The following GPRC6A variants were observed in gnomAD, a reference collection of about 807,000 sequenced individuals.
The protein encoded by GPRC6A is G protein-coupled receptor family C group 6 member A.
In GPRC6A, 54 loss-of-function variants were observed where a neutral mutation model predicts 47.0. That is an observed-to-expected ratio of 1.15 (90% CI 0.92 to 1.44). The LOEUF is 1.44. Among genes scored for constraint, GPRC6A ranks in the 40% most tolerant of loss-of-function variants. The pLI is 0.00. For synonymous variants in GPRC6A, 347 were observed against 377.1 expected, an observed-to-expected ratio of 0.92 and a Z score of 0.93; for missense variants, 1,112 against 1,105.5, an observed-to-expected ratio of 1.01 and a Z score of -0.08.
intron 1 of GPRC6A, among the ~76,000 whole-genome samples, chr6:116,817,155 G>C (rs1167424959): frequency 2.6e-5 from 4 of 151,882 alleles, no homozygotes; most frequent in East Asian, 1.9e-4. Flanking sequence ...GCTTTGAAGA[G>C]AGCAGTGGTT....
At chr6:116,803,683 A>G (rs1334454624) in intron 3 of GPRC6A, among the ~76,000 whole-genome samples, 1 of 152,120 alleles carries the variant, frequency 6.6e-6, no homozygotes, top group Non-Finnish European at 1.5e-5. Context: ...GTCATATGCC[A>G]TGATTTCCTG....
intron 3 of GPRC6A, among the ~76,000 whole-genome samples, chr6:116,803,928 G>C (rs960102303): frequency 1.3e-5 from 2 of 151,988 alleles, no homozygotes; most frequent in Non-Finnish European, 2.9e-5. Context: ...CCCCTTACTT[G>C]TTTGATTGTA....
chr6:116,798,714 C>T (rs1443173779), intron 4 of GPRC6A, among the ~76,000 whole-genome samples: 1 of 151,730 alleles, frequency 6.6e-6, no homozygotes, highest in African/African-American at 2.4e-5. Flanking sequence ...TAAACCTCGT[C>T]TCTACTAAAA....
chr6:116,808,831 AT>A (rs138037711), intron 2 of GPRC6A, among the ~76,000 whole-genome samples: 1,795 of 150,440 alleles, frequency 0.012, 27 homozygotes, highest in African/African-American at 0.033. Flanking sequence ...GTGATATCTG[AT>A]TTTTTTTTTC....
At chr6:116,825,657 G>A (rs2114627825) in intron 1 of GPRC6A, among the ~76,000 whole-genome samples, 1 of 151,766 alleles carries the variant, frequency 6.6e-6, no homozygotes, top group East Asian at 1.9e-4. Context: ...AACATATGGA[G>A]TCAATGCAAT....
At chr6:116,802,869 A>G (rs1412533100) in intron 3 of GPRC6A, among the ~76,000 whole-genome samples, 2 of 152,086 alleles carry the variant, frequency 1.3e-5, no homozygotes, top group East Asian at 3.9e-4. Context: ...ATATTTTATA[A>G]AGATTAGAGG....
chr6:116,810,115 A>G (rs1772977987), intron 1 of GPRC6A, among the ~76,000 whole-genome samples: 1 of 152,138 alleles, frequency 6.6e-6, no homozygotes, highest in Non-Finnish European at 1.5e-5. Flanking sequence ...AGACATAGCT[A>G]TTTCCACATT....
At position 116,792,385 on chromosome 6, in the gene GPRC6A, C is replaced by A; in HGVS notation, c.2538G>T (p.Lys846Asn). 1 of 1,613,992 alleles carries A rather than the reference C, an allele frequency of 6.2e-7. No homozygotes were observed. The highest frequency in any genetic ancestry group is 8.5e-7 in the Non-Finnish European group (1 of 1,179,940). The change falls in exon 6 of 6, where the codon AAG becomes AAT. Residue 846 changes from lysine (K) to asparagine (N), a missense_variant. Transcript: ENST00000310357. Reference protein sequence around the residue: ...VIICKQEINTKSAFLKMIYSY... With the variant: ...VIICKQEINTNSAFLKMIYSY... Reference sequence around the variant, plus strand: ...TGTAGATCATCTTGAGAAAGGCAGACTTTGTGTTAATCTCTTGCTTACAAA... The same window carrying A: ...TGTAGATCATCTTGAGAAAGGCAGAATTTGTGTTAATCTCTTGCTTACAAA...
intron 3 of GPRC6A, among the ~76,000 whole-genome samples, chr6:116,801,839 A>G (rs1369513622): frequency 6.6e-6 from 1 of 152,154 alleles, no homozygotes; most frequent in Non-Finnish European, 1.5e-5. Flanking sequence ...AAGAAGCAGG[A>G]TATCAGATCT....
At chr6:116,819,415 G>C (rs1312619333) in intron 1 of GPRC6A, among the ~76,000 whole-genome samples, 5 of 151,162 alleles carry the variant, frequency 3.3e-5, no homozygotes, top group African/African-American at 1.2e-4. Flanking sequence ...ATTTTTTTCA[G>C]CACCACACCA....
intron 2 of GPRC6A, 93 bp downstream of exon 2, chr6:116,809,221 G>A (rs1225096625): frequency 1.1e-6 from 1 of 929,546 alleles, no homozygotes; most frequent in Non-Finnish European, 1.6e-6. Context: ...TAAAGTAAAA[G>A]TGACTCCCTA....
intron 1 of GPRC6A, among the ~76,000 whole-genome samples, chr6:116,826,850 A>G (rs1773694630): frequency 6.6e-6 from 1 of 151,966 alleles, no homozygotes; most frequent in Non-Finnish European, 1.5e-5. Flanking sequence ...TATACACAAC[A>G]GAATAGTACT....
Position 116,792,703 on chromosome 6 carries a change from G to C in GPRC6A, c.2220C>G (p.Ile740Met). 1 of 1,612,940 alleles carries C rather than the reference G, an allele frequency of 6.2e-7. No individual in the cohort carries two copies. Among genetic ancestry groups the C allele is most frequent in the South Asian group, 1.1e-5 (1 of 91,038 alleles). ...VEVNVSLPRV[I>M]ILECEEGSIL... The stretch of plus-strand genomic sequence containing the variant: ...TGGATCCCTCCTCACACTCCAGGAT[G>C]ATGACTCTGGGCAAGGAGACATTCA... The change falls in exon 6 of 6, where the codon ATC becomes ATG. Residue 740 changes from isoleucine to methionine, a missense_variant. By Grantham distance (10) the Ile-to-Met change is conservative. Coordinates refer to ENST00000310357, the MANE Select transcript of GPRC6A (RefSeq NM_148963.4).
intron 4 of GPRC6A, among the ~76,000 whole-genome samples, chr6:116,800,340 CTTCTTTCCTTCTTTCT>C (rs1056729290): frequency 7.8e-5 from 10 of 128,144 alleles, no homozygotes; most frequent in African/African-American, 2.6e-4. Context: ...TCCTTCCTTC[CTTCTTTCCTTCTTTCT>C]TTCTCTCTCT....
At position 116,828,311 on chromosome 6, in the gene GPRC6A, A is replaced by G. The variant is rs1041949328; in HGVS notation, c.194+509T>C. Among the ~76,000 whole-genome samples, 12 of 152,128 alleles carry G rather than the reference A, an allele frequency of 7.9e-5. No individual in the cohort carries two copies. The South Asian group carries it at 8.3e-4, about 10-fold the overall frequency. On this transcript the variant is annotated intron_variant, in intron 1 of 5. Transcript: ENST00000310357. ...ACAAAGTGTTCATCCAGCAGGAAGGAGCACTTTGAGTTGAGGAGGGTCTTA... is the reference window on the plus strand; with the variant it reads ...ACAAAGTGTTCATCCAGCAGGAAGGGGCACTTTGAGTTGAGGAGGGTCTTA...
At position 116,806,694 on chromosome 6, in the gene GPRC6A, A is replaced by G; in HGVS notation, c.1011T>C (p.His337=). ...GCAAGTGCAGATTTTGAAGAAAGGA[A>G]TGGAAAGAGGATATATTCCCTCTTC... ...AFRRGNISSF[H]SFLQNLHLLP... Residue 337 remains histidine, a synonymous_variant, in exon 3 of 6, where the codon CAT becomes CAC. Coordinates refer to ENST00000310357, the MANE Select transcript of GPRC6A (RefSeq NM_148963.4). 1 of 1,613,536 alleles carries G rather than the reference A, an allele frequency of 6.2e-7. No individual in the cohort carries two copies. Among genetic ancestry groups the G allele is most frequent in the Non-Finnish European group, 8.5e-7 (1 of 1,179,690 alleles).
At position 116,792,417 on chromosome 6, in the gene GPRC6A, CAT is replaced by C. The variant is rs1562476445; in HGVS notation, c.2504_2505del (p.Tyr835CysfsTer5). ...TTAATCTCTTGCTTACAAATAATAA[CAT>C]AGCATTTGGGGATGAATGTGCAATA... ...ILYCTFIPKCYVIICKQEINT... is the reference protein window; with the variant it reads ...ILYCTFIPKCXVIICKQEINT... On this transcript the variant is annotated frameshift_variant, in exon 6 of 6. Coordinates refer to ENST00000310357, the MANE Select transcript of GPRC6A (RefSeq NM_148963.4). LOFTEE classifies it low-confidence loss of function (END_TRUNC). 2 of 1,613,862 alleles carry C rather than the reference CAT, an allele frequency of 1.2e-6. No individual in the cohort carries two copies. The highest frequency in any genetic ancestry group is 2.2e-5 in the East Asian group (1 of 44,896).
Position 116,818,555 on chromosome 6 carries a change from A to C in GPRC6A, c.195-8938T>G, listed in dbSNP as rs1318752893. Among the ~76,000 whole-genome samples the C allele has an allele frequency of 9.7e-5, 13 of 133,486 alleles. 2 individuals are homozygous for C. Among genetic ancestry groups the C allele is most frequent in the Admixed American group, 2.3e-4 (3 of 12,924 alleles). The allele number at this position is 133,486 out of a possible 152,430, so 87.6% of individuals were successfully genotyped here. On this transcript the variant is annotated intron_variant, in intron 1 of 5. Coordinates refer to ENST00000310357, the MANE Select transcript of GPRC6A (RefSeq NM_148963.4). ...TCTAAAAAAAAAAAAAAAAAAAAAA[A>C]AAAAAAAAAAAAAAAGAATTTTCAA...
intron 1 of GPRC6A, among the ~76,000 whole-genome samples, chr6:116,824,773 G>T (rs1289974911): frequency 1.3e-5 from 2 of 151,860 alleles, no homozygotes; most frequent in Admixed American, 1.3e-4. Flanking sequence ...GCCAAAACCA[G>T]ATAAGGACAC....
Sources: allele counts gnomAD v4.1 joint callset (sites outside exome capture counted in the v4.1 genomes callset), GRCh38; gene constraint gnomAD v4.1.1; transcripts MANE v1.5; gene names NCBI Gene and HGNC (gene_info 2026-07-23, HGNC 2026-07-21).